SASH1: variants seen among roughly 807,000 people sequenced by gnomAD.
SASH1 encodes SAM and SH3 domain containing 1, also known as SAM and SH3 domain-containing protein 1.
In SASH1, 44 loss-of-function variants were observed where a neutral mutation model predicts 125.2. The observed-to-expected ratio is 0.35, with a 90% CI of 0.28 to 0.45. The LOEUF (loss-of-function observed/expected upper bound fraction) is 0.45. SASH1 is among the 20% of genes least tolerant of loss of function. The probability of loss-of-function intolerance (pLI) is 1.00; values close to 1 mark genes in which losing one functional copy is unlikely to be tolerated. For missense variants in SASH1, 1,426 were observed against 1,614.5 expected (o/e 0.88, Z 2.00); for synonymous variants, 639 against 649.1 (o/e 0.98, Z 0.24).
intron 8 of SASH1, among the ~76,000 whole-genome samples, chr6:148,507,795 T>G (rs1779886997): frequency 6.6e-6 from 1 of 152,148 alleles, no homozygotes; most frequent in Non-Finnish European, 1.5e-5. Context: ...ATAAAGAGCA[T>G]TATACATGAA....
chr6:148,253,472 G>A, the SASH1 span, among the ~76,000 whole-genome samples: 1 of 152,128 alleles, frequency 6.6e-6, no homozygotes, highest in African/African-American at 2.4e-5. Context: ...AGATACATGA[G>A]TAGATCTTAC....
chr6:148,468,085 G>A (rs1209516406), intron 4 of SASH1, among the ~76,000 whole-genome samples: 4 of 152,226 alleles, frequency 2.6e-5, no homozygotes, highest in African/African-American at 9.6e-5. Context: ...TGTTGTGGGT[G>A]TCTCACCCGC....
chr6:148,324,170 A>G (rs553931147), intron 1 of SASH1, among the ~76,000 whole-genome samples: 1 of 151,244 alleles, frequency 6.6e-6, no homozygotes, highest in Non-Finnish European at 1.5e-5. Context: ...AAGAATGGCA[A>G]ATGGGAGGGC....
At chr6:148,464,099 G>C (rs1777733371) in intron 4 of SASH1, among the ~76,000 whole-genome samples, 1 of 152,188 alleles carries the variant, frequency 6.6e-6, no homozygotes, top group African/African-American at 2.4e-5. Context: ...TGGGGATACT[G>C]TCTCTTAAAT....
At chr6:148,408,222 C>G (rs1429404857) in intron 2 of SASH1, among the ~76,000 whole-genome samples, 2 of 149,766 alleles carry the variant, frequency 1.3e-5, no homozygotes, top group South Asian at 4.3e-4. Context: ...ATTCTCCTGC[C>G]TCAACCTCCC....
intron 2 of SASH1, among the ~76,000 whole-genome samples, chr6:148,409,937 T>TCAAA (rs1281651333): frequency 3.3e-5 from 5 of 151,346 alleles, no homozygotes; most frequent in Non-Finnish European, 5.9e-5. Context: ...AGACTCCATC[T>TCAAA]CAAACAAACA....
chr6:148,296,317 G>A (rs1413803760), intron 1 of SASH1, among the ~76,000 whole-genome samples: 1 of 152,074 alleles, frequency 6.6e-6, no homozygotes, highest in Admixed American at 6.6e-5. Context: ...GTAGAGATGG[G>A]GTTTCGCCAT....
intron 4 of SASH1, among the ~76,000 whole-genome samples, chr6:148,453,313 G>A (rs1777191105): frequency 6.6e-6 from 1 of 152,200 alleles, no homozygotes; most frequent in Non-Finnish European, 1.5e-5. Context: ...ATTAGGCCAA[G>A]GATGGGGTGA....
intron 4 of SASH1, among the ~76,000 whole-genome samples, chr6:148,467,694 T>TGTG (rs1375871667): frequency 6.6e-6 from 1 of 152,140 alleles, no homozygotes; most frequent in East Asian, 1.9e-4. Context: ...CCCAGCACTT[T>TGTG]GGGGGGCCGA....
intron 1 of SASH1, among the ~76,000 whole-genome samples, chr6:148,326,743 G>T (rs984168992): frequency 6.6e-6 from 1 of 151,958 alleles, no homozygotes; most frequent in Non-Finnish European, 1.5e-5. Flanking sequence ...AACATAATGA[G>T]ATTTTATCAT....
At chr6:148,287,735 C>T (rs1272145296) in intron 1 of SASH1, among the ~76,000 whole-genome samples, 1 of 152,008 alleles carries the variant, frequency 6.6e-6, no homozygotes, top group Non-Finnish European at 1.5e-5. Context: ...TTTGCAACAC[C>T]TCCCAGTTGG....
intron 10 of SASH1, among the ~76,000 whole-genome samples, chr6:148,521,382 C>T (rs893521228): frequency 2.6e-5 from 4 of 152,178 alleles, no homozygotes; most frequent in Non-Finnish European, 2.9e-5. Flanking sequence ...CTTCCCCAGA[C>T]GATCAGTGTA....
the SASH1 span, among the ~76,000 whole-genome samples, chr6:148,226,593 A>G: frequency 2.0e-5 from 3 of 152,202 alleles, no homozygotes; most frequent in Non-Finnish European, 2.9e-5. Context: ...CCGGGGTTGG[A>G]CAATTCTGTA....
At chr6:148,421,142 GAAGGAAGA>G (rs1457912009) in intron 2 of SASH1, among the ~76,000 whole-genome samples, 847 of 50,176 alleles carry the variant, frequency 0.017, 4 homozygotes, top group Middle Eastern at 0.033. Context: ...AGGAAGGAAG[GAAGGAAGA>G]AAGAAAGAAA....
intron 8 of SASH1, among the ~76,000 whole-genome samples, chr6:148,509,832 G>A (rs575568756): frequency 6.6e-6 from 1 of 152,304 alleles, no homozygotes; most frequent in East Asian, 1.9e-4. Flanking sequence ...ATCATCCAGC[G>A]TGTAGCTGTG....
the SASH1 span, among the ~76,000 whole-genome samples, chr6:148,217,555 AG>A: frequency 1.3e-5 from 2 of 152,148 alleles, no homozygotes; most frequent in Admixed American, 1.3e-4. Flanking sequence ...TGGTGGAGGC[AG>A]GGTTCAAACG....
chr6:148,407,172 A>G (rs1284923671), intron 2 of SASH1, among the ~76,000 whole-genome samples: 1 of 152,200 alleles, frequency 6.6e-6, no homozygotes, highest in African/African-American at 2.4e-5. Flanking sequence ...ATCACCACCA[A>G]CCATCCACAG....
chr6:148,531,008 A>C (rs1280406533), intron 12 of SASH1, among the ~76,000 whole-genome samples: 1 of 152,212 alleles, frequency 6.6e-6, no homozygotes, highest in Non-Finnish European at 1.5e-5. Flanking sequence ...TTTTAAATTC[A>C]TGTTTCCTTA....
chr6:148,500,242 A>G (rs1033692550), intron 8 of SASH1, among the ~76,000 whole-genome samples: 1 of 149,256 alleles, frequency 6.7e-6, no homozygotes, highest in African/African-American at 2.5e-5. Flanking sequence ...TTCTCCTTTC[A>G]AGATACAGTT....
Sources: allele counts gnomAD v4.1 joint callset (sites outside exome capture counted in the v4.1 genomes callset), GRCh38; gene constraint gnomAD v4.1.1; transcripts MANE v1.5; gene names NCBI Gene and HGNC (gene_info 2026-07-23, HGNC 2026-07-21).